Variants in VPS13A observed in about 807,000 individuals in gnomAD.
VPS13A encodes the protein intermembrane lipid transfer protein VPS13A.
VPS13A carries 264 observed loss-of-function variants against 390.9 expected under a neutral mutation model. The observed-to-expected ratio is 0.68, with a 90% CI of 0.61 to 0.75. The LOEUF (loss-of-function observed/expected upper bound fraction) is 0.75. Among genes scored for constraint, VPS13A ranks in the 30% least tolerant of loss-of-function variants. The probability of loss-of-function intolerance (pLI) is 0.00; values close to 1 mark genes in which losing one functional copy is unlikely to be tolerated. For synonymous variants in VPS13A, 1,231 were observed against 1,227.1 expected (o/e 1.00, Z -0.07); for missense variants, 3,409 against 3,733.9 (o/e 0.91, Z 2.27).
Position 77,356,613 on chromosome 9 carries a change from T to G in VPS13A, c.7653-101T>G, listed in dbSNP as rs986315640. 150 of 1,337,038 alleles carry G rather than the reference T, an allele frequency of 1.1e-4. No homozygotes were observed. In the African/African-American group the frequency reaches 1.8e-3, roughly 16 times the overall value. 82.8% of individuals were successfully genotyped at this position (1,337,038 alleles called of 1,614,324 possible). A position where few individuals can be genotyped will look rare whatever the true frequency, so the allele number is the denominator to read the frequency against. Reference sequence around the variant, plus strand: ...TGCTCACTTGTAATTGAGGCTGTTCTGAAATTTTAGTGAAGGTATTGTAAT... The same window carrying G: ...TGCTCACTTGTAATTGAGGCTGTTCGGAAATTTTAGTGAAGGTATTGTAAT... On this transcript the variant is annotated intron_variant, in intron 54 of 71. Transcript: ENST00000360280.
chr9:77,205,223 T>C (rs111562235), intron 3 of VPS13A, 90 bp from the exon 4 acceptor site: 1 of 619,064 alleles, frequency 1.6e-6, no homozygotes, highest in South Asian at 3.0e-5. Context: ...TTATTATCTC[T>C]TCAATGCCTG....
chr9:77,310,406 G>C (rs985480805), intron 35 of VPS13A, among the ~76,000 whole-genome samples: 1 of 152,200 alleles, frequency 6.6e-6, no homozygotes, highest in Non-Finnish European at 1.5e-5. Flanking sequence ...GTAGGATACA[G>C]AGTTAGCTAT....
rs2131427489 is a variant in VPS13A, at chr9:77,314,496, C to CT, written c.4246dup (p.Ser1416PhefsTer7). The CT allele has an allele frequency of 6.2e-7, 1 of 1,611,560 alleles. No individual in the cohort carries two copies. The highest frequency in any genetic ancestry group is 1.7e-4 in the Middle Eastern group (1 of 6,040). The stretch of plus-strand genomic sequence containing the variant: ...TTGTGTTGGTTTCTCCTTTCATAGG[C>CT]TTCCTTTACAGATGTTCGTGATCCT... On this transcript the variant is annotated frameshift_variant and splice_region_variant, in exon 37 of 72. Coordinates refer to ENST00000360280, the MANE Select transcript of VPS13A (RefSeq NM_033305.3). LOFTEE classifies it high-confidence loss of function.
chr9:77,247,463 GT>G (rs1824883551), intron 20 of VPS13A, 68 bp downstream of exon 20: 1 of 1,476,096 alleles, frequency 6.8e-7, no homozygotes, highest in East Asian at 2.4e-5. Flanking sequence ...AATGTATTTT[GT>G]TTTTTAAACA....
intron 35 of VPS13A, among the ~76,000 whole-genome samples, chr9:77,312,629 A>G (rs187183535): frequency 2.0e-5 from 3 of 152,082 alleles, no homozygotes; most frequent in African/African-American, 7.2e-5. Flanking sequence ...GTTAGCCAGG[A>G]TGGTCTCGAT....
chr9:77,393,415 TCA>T (rs1833980588), intron 68 of VPS13A, among the ~76,000 whole-genome samples: 1 of 152,246 alleles, frequency 6.6e-6, no homozygotes, highest in Non-Finnish European at 1.5e-5. Flanking sequence ...GTCTTATTAA[TCA>T]CAGATGTTTT....
chr9:77,349,224 T>TCTTC (rs1206132181), intron 52 of VPS13A, among the ~76,000 whole-genome samples: 1 of 152,108 alleles, frequency 6.6e-6, no homozygotes, highest in African/African-American at 2.4e-5. Context: ...TCCCTCCCTT[T>TCTTC]CTTCCTTCCT....
chr9:77,321,490 G>T lies in VPS13A; in HGVS notation c.5575-1G>T. 6.2e-6 allele frequency: 10 copies of T among 1,613,164 alleles called. No individual in the cohort carries two copies. The highest frequency in any genetic ancestry group is 8.5e-6 in the Non-Finnish European group (10 of 1,179,486). The stretch of plus-strand genomic sequence containing the variant: ...TATTTAGCATAACTCTTTCTTATTA[G>T]GCATTTACAGAAGCTGCCACTGGAT... On this transcript the variant is annotated splice_acceptor_variant, in intron 43 of 71. Coordinates refer to ENST00000360280, the MANE Select transcript of VPS13A (RefSeq NM_033305.3). LOFTEE classifies it high-confidence loss of function.
intron 47 of VPS13A, chr9:77,338,216 C>T (rs1438085765): frequency 2.0e-5 from 3 of 152,206 alleles, no homozygotes; most frequent in African/African-American, 7.2e-5. Context: ...AAGTGATCCT[C>T]CCGCTTCGGC....
At chr9:77,294,165 C>T (rs1030361779) in intron 32 of VPS13A, among the ~76,000 whole-genome samples, 1 of 152,120 alleles carries the variant, frequency 6.6e-6, no homozygotes, top group Non-Finnish European at 1.5e-5. Flanking sequence ...AAGTGATCCT[C>T]CTGCTTTGGC....
chr9:77,304,136 T>C lies in VPS13A; in HGVS notation c.3960+1074T>C, dbSNP rs552442140. Among the ~76,000 whole-genome samples the C allele has an allele frequency of 3.9e-5, 6 of 152,298 alleles. No individual in the cohort carries two copies. The South Asian group carries it at 1.2e-3, about 32-fold the overall frequency. ...GGTCCCTGCGGCTTTCCACAGTGCATTGTGCCCCAGGTTTATTGAGACTAG... is the reference window on the plus strand; with the variant it reads ...GGTCCCTGCGGCTTTCCACAGTGCACTGTGCCCCAGGTTTATTGAGACTAG... On this transcript the variant is annotated intron_variant, in intron 34 of 71. Coordinates refer to ENST00000360280, the MANE Select transcript of VPS13A (RefSeq NM_033305.3).
intron 71 of VPS13A, among the ~76,000 whole-genome samples, chr9:77,408,757 C>T (rs1023067434): frequency 4.6e-5 from 7 of 152,180 alleles, no homozygotes; most frequent in East Asian, 1.9e-4. Flanking sequence ...GAGGGGCGCC[C>T]GCCATTGCCC....
chr9:77,384,374 AT>A (rs1194125580), intron 68 of VPS13A, among the ~76,000 whole-genome samples: 4 of 151,914 alleles, frequency 2.6e-5, no homozygotes, highest in African/African-American at 9.7e-5. Flanking sequence ...AAACCAATTT[AT>A]ACATTGAGTT....
At chr9:77,351,473 C>G in intron 53 of VPS13A, 27 bp downstream of exon 53, 1 of 1,610,078 alleles carries the variant, frequency 6.2e-7, no homozygotes, top group East Asian at 2.2e-5. Flanking sequence ...TATGGTGTTC[C>G]CAGCAGCCTT....
At position 77,405,977 on chromosome 9, in the gene VPS13A, T is replaced by A. The variant is rs1366698463; in HGVS notation, c.9389T>A (p.Ile3130Asn). 2 of 1,613,708 alleles carry A rather than the reference T, an allele frequency of 1.2e-6. No individual in the cohort carries two copies. Among genetic ancestry groups the A allele is most frequent in the East Asian group, 4.5e-5 (2 of 44,864 alleles). ...ATTGTTCATGGGAGAAGATTGCGCATTGAAGCAAAGGTATGTTGAATAGAT... is the reference window on the plus strand; with the variant it reads ...ATTGTTCATGGGAGAAGATTGCGCAATGAAGCAAAGGTATGTTGAATAGAT... ...PFIVHGRRLR[I>N]EAKERVKSVF... Residue 3130 changes from isoleucine to asparagine, a missense_variant, in exon 70 of 72, where the codon ATT (isoleucine) becomes AAT (asparagine). Ile to Asn is a moderately radical substitution (Grantham distance 149). This residue lies in a region of VPS13A where 318 missense variants were observed against 333.7 expected (regional missense o/e 0.95). Coordinates refer to ENST00000360280, the MANE Select transcript of VPS13A (RefSeq NM_033305.3).
intron 46 of VPS13A, among the ~76,000 whole-genome samples, chr9:77,333,169 T>C (rs1830366951): frequency 6.6e-6 from 1 of 152,226 alleles, no homozygotes; most frequent in Non-Finnish European, 1.5e-5. Flanking sequence ...TTTCATTTTC[T>C]TCTTGGATAA....
intron 20 of VPS13A, among the ~76,000 whole-genome samples, chr9:77,247,910 T>G (rs1450791823): frequency 6.6e-6 from 1 of 152,184 alleles, no homozygotes; most frequent in Non-Finnish European, 1.5e-5. Flanking sequence ...CCACTTGCAT[T>G]GGCTTCCCTA....
intron 71 of VPS13A, among the ~76,000 whole-genome samples, chr9:77,415,113 G>A (rs1459952516): frequency 6.6e-6 from 1 of 152,224 alleles, no homozygotes; most frequent in Non-Finnish European, 1.5e-5. Context: ...ACCTGGAACA[G>A]GGAGACAGAT....
At chr9:77,406,099 G>A (rs937177287) in intron 70 of VPS13A, 112 bp downstream of exon 70, 7 of 1,456,508 alleles carry the variant, frequency 4.8e-6, no homozygotes, top group East Asian at 2.3e-5. Flanking sequence ...ACTTTGTCCT[G>A]GTGTGGTTTT....
Sources: gnomAD v4.1 joint callset for allele counts (sites outside exome capture counted in the v4.1 genomes callset) on GRCh38, gnomAD v4.1.1 for gene constraint, gnomAD v4.1.1 regional missense constraint, MANE v1.5 for transcripts, NCBI Gene and HGNC (gene_info 2026-07-23, HGNC 2026-07-21) for gene names.